Variants in SH3BGRL2 observed in about 807,000 individuals in gnomAD.
SH3BGRL2 encodes the protein SH3 domain-binding glutamic acid-rich-like protein 2.
In SH3BGRL2, 21 loss-of-function variants were observed where a neutral mutation model predicts 14.8. The observed-to-expected ratio is 1.42, with a 90% CI of 1.01 to 2.05. SH3BGRL2 has a LOEUF of 2.05. SH3BGRL2 is among the 30% of genes most tolerant of loss of function. The probability of loss-of-function intolerance (pLI) is 0.00; values close to 1 mark genes in which losing one functional copy is unlikely to be tolerated. For missense variants in SH3BGRL2, 147 were observed against 130.8 expected (o/e 1.12, Z -0.61); for synonymous variants, 50 against 47.8 (o/e 1.05, Z -0.19).
At chr6:79,674,909 T>C (rs1265307234) in intron 2 of SH3BGRL2, among the ~76,000 whole-genome samples, 1 of 152,226 alleles carries the variant, frequency 6.6e-6, no homozygotes, top group African/African-American at 2.4e-5. Context: ...GTCTTTGTGA[T>C]CGTTTCAAAA....
chr6:79,572,757 G>A, the SH3BGRL2 span, among the ~76,000 whole-genome samples: 35 of 152,278 alleles, frequency 2.3e-4, no homozygotes, highest in East Asian at 3.1e-3. Context: ...GAGCCACTGC[G>A]CCTGGCCTAT....
In SH3BGRL2 at chr6:79,648,255, CATATATATAT is replaced by C. The variant is rs60702112; in HGVS notation, c.45+16768_45+16777del. ...ACATTTTCTCTCTCTATTCTTTTGG[CATATATATAT>C]ATATATATATATATATATTTGACAT... On this transcript the variant is annotated intron_variant, in intron 1 of 3. Coordinates refer to ENST00000369838, the MANE Select transcript of SH3BGRL2 (RefSeq NM_031469.4). Among the ~76,000 whole-genome samples the C allele has an allele frequency of 1.1e-3, 66 of 62,456 alleles. 1 individual carries two copies. The East Asian group carries it at 0.035, about 34-fold the overall frequency. The allele number at this position is 62,456 out of a possible 152,430, so 41.0% of individuals were successfully genotyped here. A position where few individuals can be genotyped will look rare whatever the true frequency, so the allele number is the denominator to read the frequency against.
At chr6:79,565,897 G>A in the SH3BGRL2 span, among the ~76,000 whole-genome samples, 4 of 152,162 alleles carry the variant, frequency 2.6e-5, no homozygotes, top group Non-Finnish European at 5.9e-5. Flanking sequence ...ACTGCCACAA[G>A]GCAGCCACTA....
the SH3BGRL2 span, among the ~76,000 whole-genome samples, chr6:79,614,634 A>C: frequency 1.3e-5 from 2 of 152,130 alleles, no homozygotes; most frequent in Admixed American, 6.5e-5. Context: ...CCACAGTATT[A>C]TAGACTAAGT....
At chr6:79,604,160 C>T in the SH3BGRL2 span, among the ~76,000 whole-genome samples, 3 of 152,184 alleles carry the variant, frequency 2.0e-5, no homozygotes, top group African/African-American at 7.2e-5. Flanking sequence ...GAAAGCCAAT[C>T]TAAGTCTGTA....
the SH3BGRL2 span, among the ~76,000 whole-genome samples, chr6:79,617,634 G>C: frequency 2.0e-5 from 3 of 152,174 alleles, no homozygotes; most frequent in African/African-American, 7.2e-5. Context: ...TTTTAGAAGA[G>C]TCCAGACCAA....
At chr6:79,641,991 T>A (rs1769042301) in intron 1 of SH3BGRL2, among the ~76,000 whole-genome samples, 1 of 152,188 alleles carries the variant, frequency 6.6e-6, no homozygotes, top group Admixed American at 6.5e-5. Context: ...TTGGATATTT[T>A]ATAGGTACAT....
rs372815318 is a variant in SH3BGRL2, at chr6:79,683,625, A to T, written c.231+9826A>T. On this transcript the variant is annotated intron_variant, in intron 2 of 3. Transcript: ENST00000369838. ...CACCATGCCTGGCTAATTTTTGTAT[A>T]TTTAGTAGAGACGGGGTTTCACCAT... 3.8e-3 allele frequency among the ~76,000 whole-genome samples: 579 copies of T among 151,796 alleles called. 6 individuals are homozygous for T. Among genetic ancestry groups the T allele is most frequent in the African/African-American group, 0.012 (506 of 41,446 alleles).
the SH3BGRL2 span, among the ~76,000 whole-genome samples, chr6:79,557,784 T>G: frequency 6.6e-6 from 1 of 152,234 alleles, no homozygotes; most frequent in Non-Finnish European, 1.5e-5. Flanking sequence ...TTTAATATTT[T>G]ATGGGATAGC....
the SH3BGRL2 span, among the ~76,000 whole-genome samples, chr6:79,585,227 G>C: frequency 6.6e-6 from 1 of 151,976 alleles, no homozygotes; most frequent in Non-Finnish European, 1.5e-5. Context: ...TTGCACAGCA[G>C]ATGATTTTTC....
At chr6:79,685,570 A>C (rs935790026) in intron 2 of SH3BGRL2, among the ~76,000 whole-genome samples, 2 of 152,156 alleles carry the variant, frequency 1.3e-5, no homozygotes, top group Non-Finnish European at 2.9e-5. Flanking sequence ...AGAAATTGAC[A>C]TTCTCATTTC....
At chr6:79,608,336 A>T in the SH3BGRL2 span, among the ~76,000 whole-genome samples, 1 of 152,198 alleles carries the variant, frequency 6.6e-6, no homozygotes, top group Admixed American at 6.5e-5. Context: ...TCCTAGAGGG[A>T]CAGTCCCCAA....
the SH3BGRL2 span, among the ~76,000 whole-genome samples, chr6:79,598,045 C>A: frequency 2.0e-5 from 3 of 152,096 alleles, no homozygotes; most frequent in African/African-American, 7.2e-5. Context: ...TAAATCAAAA[C>A]CAAATTGAGC....
chr6:79,672,447 A>G (rs1042964162), intron 1 of SH3BGRL2, among the ~76,000 whole-genome samples: 3 of 152,158 alleles, frequency 2.0e-5, no homozygotes, highest in Non-Finnish European at 4.4e-5. Flanking sequence ...CTTAGTCTAC[A>G]TATAGTTCTG....
At chr6:79,655,890 C>T (rs1769400818) in intron 1 of SH3BGRL2, among the ~76,000 whole-genome samples, 1 of 152,194 alleles carries the variant, frequency 6.6e-6, no homozygotes, top group South Asian at 2.1e-4. Context: ...TGTGCTTTAA[C>T]AAGCCCTCCA....
chr6:79,696,725 A>C (rs973544058), intron 3 of SH3BGRL2, among the ~76,000 whole-genome samples, 160 bp downstream of exon 3: 1 of 152,180 alleles, frequency 6.6e-6, no homozygotes, highest in African/African-American at 2.4e-5. Context: ...GTGTTAAAAC[A>C]TACAACAGAG....
upstream of SH3BGRL2, among the ~76,000 whole-genome samples, chr6:79,628,762 G>T (rs1768774045): frequency 6.6e-6 from 1 of 152,086 alleles, no homozygotes; most frequent in Admixed American, 6.5e-5. Context: ...AAAAAATAGA[G>T]GATTCTTCTT....
At chr6:79,672,477 A>T (rs76700294) in intron 1 of SH3BGRL2, among the ~76,000 whole-genome samples, 15 of 151,978 alleles carry the variant, frequency 9.9e-5, no homozygotes. Flanking sequence ...TTTTTAACCT[A>T]CTAATATGTC....
At chr6:79,608,633 A>T in the SH3BGRL2 span, among the ~76,000 whole-genome samples, 23 of 152,202 alleles carry the variant, frequency 1.5e-4, no homozygotes, top group African/African-American at 5.1e-4. Context: ...TTTTATAAAG[A>T]TTCCTAGAAT....
Sources: allele counts gnomAD v4.1 joint callset (sites outside exome capture counted in the v4.1 genomes callset), GRCh38; gene constraint gnomAD v4.1.1; transcripts MANE v1.5; gene names NCBI Gene and HGNC (gene_info 2026-07-23, HGNC 2026-07-21).